The following TC2N variants were observed in gnomAD, a reference collection of about 807,000 sequenced individuals.
The protein encoded by TC2N is tandem C2 domains, nuclear, also known as tandem C2 domains nuclear protein.
In TC2N, 51 loss-of-function variants were observed where a neutral mutation model predicts 61.9. That is an observed-to-expected ratio of 0.82 (90% CI 0.66 to 1.04). The LOEUF (loss-of-function observed/expected upper bound fraction) is 1.04. Among genes scored for constraint, TC2N ranks in the 50% least tolerant of loss-of-function variants. The pLI, the probability that TC2N is intolerant of heterozygous loss-of-function variation, is 0.00. For missense variants in TC2N, 556 were observed against 566.7 expected (o/e 0.98, Z 0.19); for synonymous variants, 204 against 192.6 (o/e 1.06, Z -0.49).
intron 11 of TC2N, among the ~76,000 whole-genome samples, chr14:91,784,301 T>C (rs112559618): frequency 0.011 from 1,633 of 152,226 alleles, 31 homozygotes; most frequent in African/African-American, 0.035. Context: ...GTCTTCAAAA[T>C]TATGCTGGTT....
At chr14:91,866,546 G>A (rs1888707068) in intron 1 of TC2N, 2 of 152,222 alleles carry the variant, frequency 1.3e-5, no homozygotes, top group Admixed American at 6.5e-5. Flanking sequence ...AAGATGAGGT[G>A]GTAACACGAG....
intron 1 of TC2N, among the ~76,000 whole-genome samples, chr14:91,834,434 G>C (rs1887916170): frequency 6.6e-6 from 1 of 152,018 alleles, no homozygotes; most frequent in Non-Finnish European, 1.5e-5. Context: ...ATAACACAAA[G>C]GTAGTCTATC....
At position 91,835,918 on chromosome 14, in the gene TC2N, C is replaced by T. The variant is rs187698771; in HGVS notation, c.-56-22093G>A. Among the ~76,000 whole-genome samples, 25 of 152,270 alleles carry T rather than the reference C, an allele frequency of 1.6e-4. No individual in the cohort carries two copies. The East Asian group carries it at 4.9e-3, about 30-fold the overall frequency. On this transcript the variant is annotated intron_variant, in intron 1 of 11. Transcript: ENST00000435962. ...CGGGCGCCCGGCGCGCGGCCGTCCCCGCCTGGGCTGGGGTCTCCACCGTCC... is the reference window on the plus strand; with the variant it reads ...CGGGCGCCCGGCGCGCGGCCGTCCCTGCCTGGGCTGGGGTCTCCACCGTCC...
At chr14:91,853,649 T>TACAC (rs71123304) in intron 1 of TC2N, among the ~76,000 whole-genome samples, 153 of 103,060 alleles carry the variant, frequency 1.5e-3, no homozygotes, top group African/African-American at 6.6e-3. Context: ...TTTTTTAAAG[T>TACAC]ACACACACAC....
intron 8 of TC2N, among the ~76,000 whole-genome samples, chr14:91,796,245 T>C (rs1432957915): frequency 2.6e-5 from 4 of 152,064 alleles, no homozygotes; most frequent in Non-Finnish European, 5.9e-5. Flanking sequence ...CCAATATATA[T>C]ATACATATAT....
At chr14:91,861,142 A>G (rs1888580538) in intron 1 of TC2N, among the ~76,000 whole-genome samples, 1 of 152,212 alleles carries the variant, frequency 6.6e-6, no homozygotes, top group African/African-American at 2.4e-5. Context: ...GATCTCCGAC[A>G]AGGGGTACTG....
At chr14:91,816,397 T>C (rs184334754) in intron 1 of TC2N, among the ~76,000 whole-genome samples, 541 of 151,968 alleles carry the variant, frequency 3.6e-3, no homozygotes, top group Non-Finnish European at 4.6e-3. Flanking sequence ...CTTCTTGTCA[T>C]ATAAGATTAA....
chr14:91,815,347 AC>A (rs1461227530), intron 1 of TC2N, among the ~76,000 whole-genome samples: 2,282 of 151,722 alleles, frequency 0.015, 52 homozygotes, highest in African/African-American at 0.05. Context: ...TAAACTGCAT[AC>A]TTCATGAATT....
chr14:91,802,744 T>TG (rs58734552), intron 3 of TC2N, among the ~76,000 whole-genome samples: 1,601 of 150,486 alleles, frequency 0.011, 35 homozygotes, highest in African/African-American at 0.036. Context: ...ATTACAAGAT[T>TG]GGGGGGGGAG....
chr14:91,805,584 G>A (rs1473894923), intron 3 of TC2N, among the ~76,000 whole-genome samples: 1 of 152,086 alleles, frequency 6.6e-6, no homozygotes. Context: ...AGAATCGCTT[G>A]AACCTGGGAG....
intron 2 of TC2N, among the ~76,000 whole-genome samples, chr14:91,813,407 A>G (rs1886866881): frequency 6.6e-6 from 1 of 151,702 alleles, no homozygotes. Flanking sequence ...TGTAATGCCC[A>G]TGTCCAATTT....
chr14:91,812,197 A>G, intron 3 of TC2N, 115 bp downstream of exon 3: 1 of 508,732 alleles, frequency 2.0e-6, no homozygotes, highest in Admixed American at 4.0e-5. Context: ...AGAGCAAAAT[A>G]TAAAAAGTAA....
intron 1 of TC2N, among the ~76,000 whole-genome samples, chr14:91,814,619 A>G (rs770929404): frequency 2.0e-5 from 3 of 151,620 alleles, no homozygotes; most frequent in Non-Finnish European, 4.4e-5. Context: ...AAAAGAGATG[A>G]AAAGAAAAAA....
chr14:91,833,631 C>T (rs1026049598), intron 1 of TC2N, among the ~76,000 whole-genome samples: 1 of 152,184 alleles, frequency 6.6e-6, no homozygotes, highest in Non-Finnish European at 1.5e-5. Flanking sequence ...TCTCTTTCCC[C>T]TACCCCCAAG....
intron 1 of TC2N, among the ~76,000 whole-genome samples, chr14:91,835,154 G>C (rs1194454916): frequency 6.6e-6 from 1 of 152,126 alleles, no homozygotes; most frequent in Non-Finnish European, 1.5e-5. Flanking sequence ...TTTTCATGAA[G>C]GGTTAAACAA....
intron 1 of TC2N, among the ~76,000 whole-genome samples, chr14:91,818,756 G>T (rs559003414): frequency 1.3e-5 from 2 of 152,078 alleles, no homozygotes; most frequent in Non-Finnish European, 2.9e-5. Flanking sequence ...TACTGGATGG[G>T]ATTAATACCA....
At chr14:91,807,486 G>A (rs1217363161) in intron 3 of TC2N, among the ~76,000 whole-genome samples, 5 of 152,222 alleles carry the variant, frequency 3.3e-5, no homozygotes, top group South Asian at 2.1e-4. Flanking sequence ...ACCTGGATGC[G>A]AGACATGGAG....
intron 1 of TC2N, among the ~76,000 whole-genome samples, chr14:91,823,261 C>T (rs530401102): frequency 1.3e-5 from 2 of 151,930 alleles, no homozygotes; most frequent in Non-Finnish European, 1.5e-5. Context: ...TGGCTCATGC[C>T]TGTAGTCCCA....
At chr14:91,831,120 C>T (rs1350950828) in intron 1 of TC2N, among the ~76,000 whole-genome samples, 2 of 152,158 alleles carry the variant, frequency 1.3e-5, no homozygotes, top group Non-Finnish European at 2.9e-5. Context: ...TTAGCTTTCT[C>T]TTAGATTTTG....
Sources: allele counts gnomAD v4.1 joint callset (sites outside exome capture counted in the v4.1 genomes callset), GRCh38; gene constraint gnomAD v4.1.1; transcripts MANE v1.5; gene names NCBI Gene and HGNC (gene_info 2026-07-23, HGNC 2026-07-21).